The following LRRC73 variants were observed in gnomAD, a reference collection of about 807,000 sequenced individuals.
The protein encoded by LRRC73 is leucine rich repeat containing 73.
Under a neutral mutation model 26.4 loss-of-function variants are expected in LRRC73, and 16 were observed. The ratio of observed to expected loss-of-function variants is 0.61; its 90% CI spans 0.41 to 0.92. The LOEUF (loss-of-function observed/expected upper bound fraction) is 0.92. LRRC73 is among the 40% of genes least tolerant of loss of function. The probability of loss-of-function intolerance (pLI) is 0.00; values close to 1 mark genes in which losing one functional copy is unlikely to be tolerated. For missense variants in LRRC73, 344 were observed against 416.3 expected, an observed-to-expected ratio of 0.83 and a Z score of 1.51; for synonymous variants, 210 against 179.8, an observed-to-expected ratio of 1.17 and a Z score of -1.34.
At chr6:43,509,725 T>G in exon 1 of LRRC73, 2 of 1,591,064 alleles carry the variant, frequency 1.3e-6, no homozygotes, top group South Asian at 2.2e-5. Context: ...CCGCGGCAGA[T>G]GTCCCGCACC....
At position 43,507,296 on chromosome 6, in the gene LRRC73, TGA is replaced by T; in HGVS notation, c.891_892del (p.Gln298AspfsTer15). On this transcript the variant is annotated frameshift_variant, in exon 6 of 6. Coordinates refer to ENST00000372441, the Ensembl canonical transcript of LRRC73. LOFTEE classifies it high-confidence loss of function. ...TAGTCCTGACGTCATTAGCACCATC[TGA>T]GAGCTGGGATCTGTGGAAGGGCAGA... 6.2e-7 allele frequency: 1 copy of T among 1,613,962 alleles called. No homozygotes were observed. Among genetic ancestry groups the T allele is most frequent in the African/African-American group, 1.3e-5 (1 of 75,042 alleles).
At chr6:43,508,847 C>T (rs61746795) in exon 2 of LRRC73, 13 of 1,613,032 alleles carry the variant, frequency 8.1e-6, no homozygotes, top group Non-Finnish European at 1.0e-5. Flanking sequence ...TCCAGAGCCA[C>T]GAGGGCAGGG....
At chr6:43,509,687 G>A (rs764133472) in exon 1 of LRRC73, 53 of 1,592,456 alleles carry the variant, frequency 3.3e-5, no homozygotes, top group Non-Finnish European at 4.2e-5. Flanking sequence ...CGCGCAGTGA[G>A]AGCAGGCGCA....
At chr6:43,508,229 C>CTGA (rs1216615186) in intron 3 of LRRC73, 69 bp downstream of exon 3, 1 of 1,533,836 alleles carries the variant, frequency 6.5e-7, no homozygotes, top group Non-Finnish European at 8.8e-7. Context: ...ACCATGTCAA[C>CTGA]TGATGGTCCC....
At chr6:43,509,408 G>A (rs987384778) in intron 1 of LRRC73, 106 bp downstream of exon 1, 1 of 1,354,274 alleles carries the variant, frequency 7.4e-7, no homozygotes, top group Admixed American at 2.5e-5. Flanking sequence ...CATAAGGCAT[G>A]TGAAGGTAGG....
chr6:43,510,062 G>A (rs1160257015), exon 1 of LRRC73: 2 of 259,116 alleles, frequency 7.7e-6, no homozygotes, highest in Non-Finnish European at 1.4e-5. Context: ...GGGCGGGGGC[G>A]GCCCGCACGG....
At chr6:43,507,059 C>G in exon 6 of LRRC73, 1 of 649,932 alleles carries the variant, frequency 1.5e-6, no homozygotes, top group East Asian at 2.8e-5. Context: ...CCCCCCAAGG[C>G]TGTTGCTCAG....
chr6:43,510,169 G>GGCA (rs1426039275), exon 1 of LRRC73: 1 of 170,752 alleles, frequency 5.9e-6, no homozygotes, highest in Non-Finnish European at 1.2e-5. Flanking sequence ...CGGCGGCGGC[G>GGCA]GCAGCGGCAG....
chr6:43,507,278 G>A, exon 6 of LRRC73: 1 of 1,613,998 alleles, frequency 6.2e-7, no homozygotes, highest in Non-Finnish European at 8.5e-7. Context: ...CCCTAGTCCT[G>A]ACGTCATTAG....
exon 6 of LRRC73, chr6:43,507,082 G>A (rs1792512291): frequency 1.3e-6 from 1 of 741,484 alleles, no homozygotes; most frequent in Admixed American, 2.5e-5. Context: ...ACAGCTTCCA[G>A]AGCTTCCTTC....
exon 5 of LRRC73, chr6:43,507,542 CCTGCCACTT>C: frequency 6.2e-7 from 1 of 1,613,914 alleles, no homozygotes; most frequent in Non-Finnish European, 8.5e-7. Flanking sequence ...GCCAGCCCCT[CCTGCCACTT>C]CCTCCTCCTC....
Position 43,507,811 on chromosome 6 carries a change from A to T in LRRC73, c.657+15T>A. 1 of 1,612,950 alleles carries T rather than the reference A, an allele frequency of 6.2e-7. No individual in the cohort carries two copies. Among genetic ancestry groups the T allele is most frequent in the Non-Finnish European group, 8.5e-7 (1 of 1,179,278 alleles). On this transcript the variant is annotated intron_variant, in intron 4 of 5. Transcript: ENST00000372441. Reference sequence around the variant, plus strand: ...CCCCATCCCCTGGCCGTGCCCAAACATGACGACTTCCCACCTGAGCTGACT... The same window carrying T: ...CCCCATCCCCTGGCCGTGCCCAAACTTGACGACTTCCCACCTGAGCTGACT...
At chr6:43,508,342 T>C in exon 3 of LRRC73, 3 of 1,613,592 alleles carry the variant, frequency 1.9e-6, no homozygotes, top group Non-Finnish European at 2.5e-6. Flanking sequence ...CTGGGAGCTG[T>C]GGGCCACGGC....
Position 43,508,921 on chromosome 6 carries a change from C to A in LRRC73, c.273-1G>T, listed in dbSNP as rs1210996334. On this transcript the variant is annotated splice_acceptor_variant, in intron 1 of 5. Transcript: ENST00000372441. LOFTEE classifies it high-confidence loss of function. ...ATCTGTCAGGGGGCTCCCATGCAGGCTGGAGGAGAGTGAGAGAGCAGGGTT... is the reference window on the plus strand; with the variant it reads ...ATCTGTCAGGGGGCTCCCATGCAGGATGGAGGAGAGTGAGAGAGCAGGGTT... 6.3e-7 allele frequency: 1 copy of A among 1,594,876 alleles called. No individual in the cohort carries two copies. The highest frequency in any genetic ancestry group is 2.2e-5 in the East Asian group (1 of 44,504).
exon 1 of LRRC73, chr6:43,510,325 A>AGCTCCG (rs1166638320): frequency 1.3e-5 from 2 of 152,606 alleles, no homozygotes; most frequent in Non-Finnish European, 2.9e-5. Flanking sequence ...GGCTGGCGGC[A>AGCTCCG]GCTCCGGCTC....
rs1416815287 is a variant in LRRC73 at position 43,508,904 on chromosome 6, G to A, written c.289C>T (p.Leu97=). ...AGCAAGGCCAGCCCCGCATCTGTCA[G>A]GGGGCTCCCATGCAGGCTGGAGGAG... is the stretch of plus-strand genomic sequence containing the variant. Residue 97 remains leucine (L), a synonymous_variant, in exon 2 of 6, where the codon CTG becomes TTG. Coordinates refer to ENST00000372441, the Ensembl canonical transcript of LRRC73. 1.9e-6 allele frequency: 3 copies of A among 1,607,098 alleles called. No individual in the cohort carries two copies. In the African/African-American group the frequency reaches 4.0e-5, roughly 21 times the overall value.
At position 43,508,432 on chromosome 6, in the gene LRRC73, CAT is replaced by C. The variant is rs757295498; in HGVS notation, c.434-14_434-13del. 3.3e-5 allele frequency: 54 copies of C among 1,613,372 alleles called. No individual in the cohort carries two copies. In the Admixed American group the frequency reaches 4.5e-4, roughly 13 times the overall value. On this transcript the variant is annotated splice_polypyrimidine_tract_variant and intron_variant, in intron 2 of 5. Transcript: ENST00000372441. ...TAGCTCCTTCAAGCCTGGGCAGCATCATAGCAAGAAACCAGAATAGGGAGGGT... is the reference window on the plus strand; with the variant it reads ...TAGCTCCTTCAAGCCTGGGCAGCATCAGCAAGAAACCAGAATAGGGAGGGT...
exon 1 of LRRC73, chr6:43,509,897 G>T: frequency 1.0e-6 from 1 of 953,658 alleles, no homozygotes; most frequent in Non-Finnish European, 1.4e-6. Flanking sequence ...CGCGGGCGGA[G>T]TGGGGCCGGG....
At chr6:43,507,337 C>A (rs1365778180) in intron 5 of LRRC73, 29 bp from the exon 6 acceptor site, 6 of 1,613,242 alleles carry the variant, frequency 3.7e-6, no homozygotes, top group South Asian at 1.1e-5. Flanking sequence ...GTGTTCAGAC[C>A]ACCATTCCTT....
Sources: allele counts gnomAD v4.1 joint callset, GRCh38; gene constraint gnomAD v4.1.1; transcripts MANE v1.5; gene names NCBI Gene and HGNC (gene_info 2026-07-23, HGNC 2026-07-21).